The following MLLT3 variants were observed in gnomAD, a reference collection of about 807,000 sequenced individuals.
The protein encoded by MLLT3 is MLLT3 super elongation complex subunit.
A neutral mutation model predicts 53.2 loss-of-function variants in MLLT3; 4 were observed. The observed-to-expected ratio is 0.08, with a 90% CI of 0.04 to 0.17. The LOEUF is 0.17. MLLT3 is among the 10% of genes least tolerant of loss of function. MLLT3 has a pLI of 1.00. For missense variants in MLLT3, 569 were observed against 684.0 expected (o/e 0.83, Z 1.87); for synonymous variants, 283 against 230.6 (o/e 1.23, Z -2.06).
intron 5 of MLLT3, among the ~76,000 whole-genome samples, chr9:20,405,983 G>T (rs1038304365): frequency 6.6e-5 from 10 of 152,006 alleles, no homozygotes; most frequent in African/African-American, 2.4e-4. Flanking sequence ...ATGGTGGTAT[G>T]CGCCTGTGAT....
chr9:20,502,031 A>G (rs369295910), intron 2 of MLLT3, among the ~76,000 whole-genome samples: 1 of 142,328 alleles, frequency 7.0e-6, no homozygotes, highest in Non-Finnish European at 1.5e-5. Context: ...CAGTAAGCCA[A>G]TATGGTGCCA....
chr9:20,349,890 A>T (rs1820968154), intron 10 of MLLT3, among the ~76,000 whole-genome samples: 2 of 152,236 alleles, frequency 1.3e-5, no homozygotes, highest in Admixed American at 6.5e-5. Context: ...ACAAGAATAC[A>T]TCAAGGTAGA....
chr9:20,532,121 G>A (rs772431879), intron 2 of MLLT3, among the ~76,000 whole-genome samples: 7 of 151,924 alleles, frequency 4.6e-5, no homozygotes, highest in African/African-American at 9.7e-5. Flanking sequence ...GGCCTCAAGC[G>A]AAACATTAAA....
intron 2 of MLLT3, among the ~76,000 whole-genome samples, chr9:20,490,010 T>C (rs1824909210): frequency 6.6e-6 from 1 of 152,084 alleles, no homozygotes; most frequent in Non-Finnish European, 1.5e-5. Context: ...GTGCTAAGGA[T>C]ACAAAAAGGA....
At chr9:20,478,335 CT>C (rs780309845) in intron 2 of MLLT3, among the ~76,000 whole-genome samples, 3 of 152,128 alleles carry the variant, frequency 2.0e-5, no homozygotes, top group Non-Finnish European at 4.4e-5. Context: ...GATGTAAGTT[CT>C]GTGAAAAGAG....
chr9:20,484,422 GCTAT>G (rs1222543242), intron 2 of MLLT3, among the ~76,000 whole-genome samples: 5 of 152,144 alleles, frequency 3.3e-5, no homozygotes, highest in Admixed American at 2.6e-4. Context: ...ATTGGAGGAA[GCTAT>G]CTATCGCCTA....
intron 4 of MLLT3, among the ~76,000 whole-genome samples, chr9:20,429,537 C>A (rs1401062108): frequency 7.0e-6 from 1 of 143,288 alleles, no homozygotes; most frequent in East Asian, 2.4e-4. Context: ...CATAACTAAT[C>A]CAATTGTAGG....
chr9:20,521,683 A>C (rs2118980411), intron 2 of MLLT3, among the ~76,000 whole-genome samples: 1 of 152,274 alleles, frequency 6.6e-6, no homozygotes, highest in South Asian at 2.1e-4. Flanking sequence ...TGGTAAGAAA[A>C]TGTGTTCTCA....
At position 20,494,290 on chromosome 9, in the gene MLLT3, CAT is replaced by C. The variant is rs1825022194; in HGVS notation, c.194-37506_194-37505del. Among the ~76,000 whole-genome samples the C allele has an allele frequency of 2.0e-5, 3 of 152,042 alleles. No individual in the cohort carries two copies. The South Asian group carries it at 6.2e-4, about 32-fold the overall frequency. ...TCCATCATATCACTCTACCGAGAGA[CAT>C]AGCCATTTGGCTACAGCTTTTACCA... On this transcript the variant is annotated intron_variant, in intron 2 of 10. Transcript: ENST00000380338.
intron 4 of MLLT3, among the ~76,000 whole-genome samples, chr9:20,440,196 G>T (rs1367709436): frequency 6.6e-6 from 1 of 152,086 alleles, no homozygotes; most frequent in Non-Finnish European, 1.5e-5. Flanking sequence ...CTAAGCCCAA[G>T]GTAAATTAGC....
intron 2 of MLLT3, among the ~76,000 whole-genome samples, chr9:20,544,602 T>TA (rs1818736897): frequency 6.6e-6 from 1 of 152,184 alleles, no homozygotes; most frequent in Non-Finnish European, 1.5e-5. Flanking sequence ...GACAAGGATG[T>TA]AAAGAAATTA....
chr9:20,621,970 C>T lies in MLLT3; in HGVS notation c.12+275G>A, dbSNP rs1821027612. On this transcript the variant is annotated intron_variant, in intron 1 of 10. Transcript: ENST00000380338. This position sits in a 1 kb window ranked among gnomAD's most constrained non-coding sequence, Gnocchi z 7.0. ...GAGTGTGTGAGTGCGCTTCTTGTGA[C>T]TGCAAAGAGGCGAGGAGGGAGGGAG... 4.3e-6 allele frequency: 6 copies of T among 1,392,534 alleles called. No homozygotes were observed. Among genetic ancestry groups the T allele is most frequent in the Admixed American group, 3.3e-5 (1 of 30,046 alleles). The allele number at this position is 1,392,534 out of a possible 1,614,324, so 86.3% of individuals were successfully genotyped here. A position where few individuals can be genotyped will look rare whatever the true frequency, so the allele number is the denominator to read the frequency against.
intron 5 of MLLT3, among the ~76,000 whole-genome samples, chr9:20,406,294 T>A (rs1822575514): frequency 6.6e-6 from 1 of 152,076 alleles, no homozygotes; most frequent in South Asian, 2.1e-4. Context: ...TCATCTCTAC[T>A]AATTCATGCC....
intron 2 of MLLT3, among the ~76,000 whole-genome samples, chr9:20,480,260 T>C (rs1039170001): frequency 6.6e-6 from 1 of 152,224 alleles, no homozygotes; most frequent in East Asian, 1.9e-4. Flanking sequence ...TACAAACTTG[T>C]TGGGGCTTCC....
chr9:20,620,811 C>T lies in MLLT3; in HGVS notation c.36G>A (p.Glu12=). ...TCCTCACCTGGGCGCGGTGCCCCAG[C>T]TCCAGCTTCACCTGCACGGCACACT... ...ASSCAVQVKL[E]LGHRAQVRKK... The change falls in exon 2 of 11, where the codon GAG becomes GAA. Residue 12 remains glutamate (E), a synonymous_variant. Coordinates refer to ENST00000380338, the MANE Select transcript of MLLT3 (RefSeq NM_004529.4). This position sits in a 1 kb window ranked among gnomAD's most constrained non-coding sequence, Gnocchi z 6.1. 6.2e-7 allele frequency: 1 copy of T among 1,614,090 alleles called. No homozygotes were observed. The highest frequency in any genetic ancestry group is 8.5e-7 in the Non-Finnish European group (1 of 1,180,014).
chr9:20,371,130 G>C (rs1288271142), intron 5 of MLLT3, among the ~76,000 whole-genome samples: 3 of 152,336 alleles, frequency 2.0e-5, no homozygotes, highest in East Asian at 1.9e-4. Flanking sequence ...AAATCTGAGA[G>C]ATGAGGAAGC....
chr9:20,379,107 A>G (rs993328024), intron 5 of MLLT3, among the ~76,000 whole-genome samples: 3 of 152,064 alleles, frequency 2.0e-5, no homozygotes, highest in African/African-American at 7.2e-5. Context: ...TTTTCTCACC[A>G]TCAGAAAGAT....
intron 5 of MLLT3, among the ~76,000 whole-genome samples, chr9:20,404,012 G>A (rs1370430705): frequency 6.6e-6 from 1 of 152,172 alleles, no homozygotes; most frequent in East Asian, 1.9e-4. Context: ...GTAGAGATGA[G>A]ATTTCTCCAT....
intron 2 of MLLT3, among the ~76,000 whole-genome samples, chr9:20,539,203 T>G (rs998673281): frequency 8.5e-5 from 13 of 152,240 alleles, no homozygotes; most frequent in Non-Finnish European, 1.3e-4. Context: ...TGCTGTTTGA[T>G]AGCATTTTAC....
Sources: allele counts gnomAD v4.1 joint callset (sites outside exome capture counted in the v4.1 genomes callset), GRCh38; gene constraint gnomAD v4.1.1; non-coding constraint Gnocchi (gnomAD v3.1); transcripts MANE v1.5; gene names NCBI Gene and HGNC (gene_info 2026-07-23, HGNC 2026-07-21).